Variants in ZNF583 observed in about 807,000 individuals in gnomAD.
The protein encoded by ZNF583 is zinc finger protein L3-5.
In ZNF583, 30 loss-of-function variants were observed where a neutral mutation model predicts 55.3. That is an observed-to-expected ratio of 0.54 (90% CI 0.41 to 0.74). ZNF583 has a LOEUF of 0.74. Among genes scored for constraint, ZNF583 ranks in the 30% least tolerant of loss-of-function variants. ZNF583 has a pLI of 0.00. For missense variants in ZNF583, 504 were observed against 664.7 expected (o/e 0.76, Z 2.66); for synonymous variants, 208 against 220.0 (o/e 0.95, Z 0.48).
chr19:56,409,398 A>T (rs2042204149), intron 2 of ZNF583, among the ~76,000 whole-genome samples: 2 of 151,718 alleles, frequency 1.3e-5, no homozygotes, highest in Admixed American at 1.3e-4. Context: ...AATAGGTGGA[A>T]CCCATTAGCC....
In ZNF583 at chr19:56,424,666, A is replaced by G. The variant is rs1027378794; in HGVS notation, c.*298A>G. Reference sequence around the variant, plus strand: ...AACACCTTGTTCCAGGTTACCTTCCAAAGTTTCTATCTTGTGTCACTATCC... The same window carrying G: ...AACACCTTGTTCCAGGTTACCTTCCGAAGTTTCTATCTTGTGTCACTATCC... On this transcript the variant is annotated 3_prime_UTR_variant, in exon 5 of 5. Coordinates refer to ENST00000333201, the MANE Select transcript of ZNF583 (RefSeq NM_152478.3). 1.1e-5 allele frequency: 3 copies of G among 261,174 alleles called. No homozygotes were observed. Among genetic ancestry groups the G allele is most frequent in the Non-Finnish European group, 2.2e-5 (3 of 135,868 alleles). 16.2% of individuals were successfully genotyped at this position (261,174 alleles called of 1,614,324 possible).
chr19:56,420,620 C>A (rs1341744629), intron 4 of ZNF583, among the ~76,000 whole-genome samples: 1 of 152,134 alleles, frequency 6.6e-6, no homozygotes, highest in Non-Finnish European at 1.5e-5. Flanking sequence ...AAGATTATTT[C>A]TTTCTGATGA....
chr19:56,423,039 GTATAA>G lies in ZNF583; in HGVS notation c.382_386del (p.Tyr128GlufsTer11). 2 of 1,613,960 alleles carry G rather than the reference GTATAA, an allele frequency of 1.2e-6. No individual in the cohort carries two copies. The highest frequency in any genetic ancestry group is 1.7e-6 in the Non-Finnish European group (2 of 1,179,946). On this transcript the variant is annotated frameshift_variant, in exon 5 of 5. Coordinates refer to ENST00000333201, the MANE Select transcript of ZNF583 (RefSeq NM_152478.3). LOFTEE classifies it high-confidence loss of function. ...GAGAAGACTGTCAAAGTGAGGACTG[GTATAA>G]GAACCAGCTGGGAAGTCAAGAGGTA...
chr19:56,412,005 T>C (rs1022069857), intron 2 of ZNF583, among the ~76,000 whole-genome samples: 1 of 152,218 alleles, frequency 6.6e-6, no homozygotes, highest in Non-Finnish European at 1.5e-5. Context: ...ATGTTCATAT[T>C]TGACAACCAA....
chr19:56,408,204 A>G lies in ZNF583; in HGVS notation c.9+1081A>G, dbSNP rs1353996908. ...AATACATAGAGGTTAAATGCATTGTATAGGTTAAATATATATATATACACA... is the reference window on the plus strand; with the variant it reads ...AATACATAGAGGTTAAATGCATTGTGTAGGTTAAATATATATATATACACA... On this transcript the variant is annotated intron_variant, in intron 2 of 4. Transcript: ENST00000333201. Among the ~76,000 whole-genome samples the G allele has an allele frequency of 2.6e-5, 4 of 152,190 alleles. No individual in the cohort carries two copies. In the East Asian group the frequency reaches 7.7e-4, roughly 29 times the overall value.
intron 4 of ZNF583, among the ~76,000 whole-genome samples, chr19:56,414,971 G>A (rs1008741419): frequency 1.5e-4 from 22 of 148,818 alleles, no homozygotes; most frequent in Admixed American, 4.0e-4. Context: ...ATCTGAGATC[G>A]CGCCCCTGCA....
chr19:56,414,605 C>T lies in ZNF583; in HGVS notation c.232+165C>T, dbSNP rs534724689. 1.3e-5 allele frequency: 8 copies of T among 606,474 alleles called. 1 individual carries two copies. The South Asian group carries it at 1.6e-4, about 12-fold the overall frequency. 37.6% of individuals were successfully genotyped at this position (606,474 alleles called of 1,614,324 possible). On this transcript the variant is annotated intron_variant, in intron 4 of 4. Coordinates refer to ENST00000333201, the MANE Select transcript of ZNF583 (RefSeq NM_152478.3). ...TTTAGTATGAGCTCCTCAATTTGTT[C>T]TCTCTGTCTATATTCTCTCACAAGT...
Position 56,424,372 on chromosome 19 carries a change from T to TA in ZNF583, c.*4_*5insA. The TA allele has an allele frequency of 5.7e-6, 7 of 1,220,374 alleles. No individual in the cohort carries two copies. The highest frequency in any genetic ancestry group is 6.0e-6 in the Non-Finnish European group (5 of 834,822). 75.6% of individuals were successfully genotyped at this position (1,220,374 alleles called of 1,614,324 possible). A position where few individuals can be genotyped will look rare whatever the true frequency, so the allele number is the denominator to read the frequency against. On this transcript the variant is annotated 3_prime_UTR_variant, in exon 5 of 5. Transcript: ENST00000333201. ...ACCTGTAGGTTTCATCTCCTGAATA[T>TA]TTCTGGAATCCACCTCTTGAATCCA...
At position 56,423,973 on chromosome 19, in the gene ZNF583, A is replaced by T. The variant is rs1212142662; in HGVS notation, c.1315A>T (p.Ile439Phe). ...VHTGEKPYECIECGKAFSNSS... is the reference protein window; with the variant it reads ...VHTGEKPYECFECGKAFSNSS... ...TACTGGAGAGAAACCCTATGAATGT[A>T]TTGAATGTGGGAAGGCCTTTAGCAA... The change falls in exon 5 of 5, where the codon ATT becomes TTT. Residue 439 changes from isoleucine to phenylalanine, a missense_variant. Transcript: ENST00000333201. 1.2e-6 allele frequency: 2 copies of T among 1,614,112 alleles called. No homozygotes were observed. The highest frequency in any genetic ancestry group is 2.2e-5 in the South Asian group (2 of 91,086).
At chr19:56,409,729 C>T (rs1289840436) in intron 2 of ZNF583, among the ~76,000 whole-genome samples, 1 of 152,076 alleles carries the variant, frequency 6.6e-6, no homozygotes, top group East Asian at 1.9e-4. Flanking sequence ...TTTAAAAAAG[C>T]TAGCCTGATA....
intron 1 of ZNF583, among the ~76,000 whole-genome samples, chr19:56,406,530 CTTT>C (rs34274240): frequency 3.5e-5 from 4 of 115,232 alleles, no homozygotes; most frequent in Admixed American, 9.8e-5. Flanking sequence ...ATGTTGTATT[CTTT>C]TTTTTTTTTT....
chr19:56,414,260 C>A, intron 3 of ZNF583, 85 bp from the exon 4 acceptor site: 1 of 1,505,660 alleles, frequency 6.6e-7, no homozygotes, highest in South Asian at 1.1e-5. Context: ...AGCTCCCTCC[C>A]ATTATTCTCC....
chr19:56,410,095 G>A (rs545605130), intron 2 of ZNF583, among the ~76,000 whole-genome samples: 8 of 152,088 alleles, frequency 5.3e-5, no homozygotes, highest in African/African-American at 1.9e-4. Flanking sequence ...TGCTCTATTT[G>A]TAATTACTGC....
intron 1 of ZNF583, among the ~76,000 whole-genome samples, chr19:56,405,365 T>A (rs1285334165): frequency 6.6e-6 from 1 of 152,034 alleles, no homozygotes; most frequent in Non-Finnish European, 1.5e-5. Context: ...CGGGCTACAA[T>A]GTGGGGGCAT....
In ZNF583 at chr19:56,414,337, G is replaced by C. The variant is rs760999920; in HGVS notation, c.137-8G>C. 34 of 1,613,644 alleles carry C rather than the reference G, an allele frequency of 2.1e-5. No individual in the cohort carries two copies. The highest frequency in any genetic ancestry group is 2.9e-5 in the Non-Finnish European group (34 of 1,179,854). ...CTGCCTAATTCCCCTTTTGTTTTTTGTAAGCAGGAGTTTCTGTTTCTAAGC... is the reference window on the plus strand; with the variant it reads ...CTGCCTAATTCCCCTTTTGTTTTTTCTAAGCAGGAGTTTCTGTTTCTAAGC... On this transcript the variant is annotated splice_region_variant and splice_polypyrimidine_tract_variant and intron_variant, in intron 3 of 4. Coordinates refer to ENST00000333201, the MANE Select transcript of ZNF583 (RefSeq NM_152478.3).
intron 2 of ZNF583, among the ~76,000 whole-genome samples, chr19:56,408,375 A>G (rs988243615): frequency 2.0e-5 from 3 of 152,246 alleles, no homozygotes; most frequent in Admixed American, 1.3e-4. Context: ...TTAACATAGT[A>G]GCCACTAGCC....
Position 56,407,060 on chromosome 19 carries a change from G to C in ZNF583, c.-55G>C. The C allele has an allele frequency of 6.2e-7, 1 of 1,610,536 alleles. No homozygotes were observed. Among genetic ancestry groups the C allele is most frequent in the South Asian group, 1.1e-5 (1 of 90,656 alleles). The stretch of plus-strand genomic sequence containing the variant: ...CTCAGGATACTGTCCCTCTCCCACA[G>C]AGGAGCTGAAGGAGTAGGACAGAAG... On this transcript the variant is annotated 5_prime_UTR_variant, in exon 2 of 5. Coordinates refer to ENST00000333201, the MANE Select transcript of ZNF583 (RefSeq NM_152478.3).
Position 56,427,271 on chromosome 19 carries a change from C to A in ZNF583, c.*2903C>A, listed in dbSNP as rs956895758. 1 of 151,980 alleles carries A rather than the reference C, an allele frequency of 6.6e-6. No homozygotes were observed. Among genetic ancestry groups the A allele is most frequent in the Non-Finnish European group, 1.5e-5 (1 of 68,010 alleles). The allele number at this position is 151,980 out of a possible 1,614,324, so 9.4% of individuals were successfully genotyped here. A position where few individuals can be genotyped will look rare whatever the true frequency, so the allele number is the denominator to read the frequency against. On this transcript the variant is annotated 3_prime_UTR_variant, in exon 5 of 5. Transcript: ENST00000333201. ...AATTGAATGGGATCCTTATTTCACA[C>A]CATTAACAAGTATAAGTTCTAACTG...
chr19:56,411,453 A>G (rs1050820388), intron 2 of ZNF583, among the ~76,000 whole-genome samples: 2 of 152,242 alleles, frequency 1.3e-5, no homozygotes, highest in African/African-American at 4.8e-5. Flanking sequence ...GCTGACAGGA[A>G]AATGTCAGAT....
Sources: gnomAD v4.1 joint callset for allele counts (sites outside exome capture counted in the v4.1 genomes callset) on GRCh38, gnomAD v4.1.1 for gene constraint, MANE v1.5 for transcripts, NCBI Gene and HGNC (gene_info 2026-07-23, HGNC 2026-07-21) for gene names.